Variants in CNTN6 observed in about 807,000 individuals in gnomAD.
CNTN6 encodes contactin-6.
A neutral mutation model predicts 122.8 loss-of-function variants in CNTN6; 137 were observed. The ratio of observed to expected loss-of-function variants is 1.12; its 90% CI spans 0.97 to 1.29. The LOEUF (loss-of-function observed/expected upper bound fraction) is 1.29. Ranked by LOEUF, CNTN6 falls within the 50% of genes most tolerant of loss-of-function variation. CNTN6 has a pLI of 0.00. For synonymous variants in CNTN6, 570 were observed against 426.0 expected (o/e 1.34, Z -4.16); for missense variants, 1,634 against 1,223.4 (o/e 1.34, Z -5.01).
At position 1,325,838 on chromosome 3, in the gene CNTN6, A is replaced by G; in HGVS notation, c.970A>G (p.Ile324Val). 2 of 1,610,820 alleles carry G rather than the reference A, an allele frequency of 1.2e-6. No homozygotes were observed. The highest frequency in any genetic ancestry group is 1.7e-6 in the Non-Finnish European group (2 of 1,178,402). ...FYAPPEWEQK[I>V]QNTHLSIYDN... Reference sequence around the variant, plus strand: ...AGCTCCTCCAGAATGGGAACAGAAAATCCAAAATACACACCTCTCTATCTA... The same window carrying G: ...AGCTCCTCCAGAATGGGAACAGAAAGTCCAAAATACACACCTCTCTATCTA... Residue 324 changes from isoleucine to valine, a missense_variant, in exon 9 of 23, where the codon ATC becomes GTC. Physicochemically the swap from Ile to Val is conservative, Grantham distance 29. Coordinates refer to ENST00000446702, the MANE Select transcript of CNTN6 (RefSeq NM_001289080.2).
intron 4 of CNTN6, among the ~76,000 whole-genome samples, chr3:1,276,012 A>G (rs1205646677): frequency 6.6e-6 from 1 of 152,190 alleles, no homozygotes; most frequent in Non-Finnish European, 1.5e-5. Flanking sequence ...ATTCCTCTAA[A>G]CAATACCAAT....
At chr3:1,126,870 A>T (rs1410464955) in intron 1 of CNTN6, among the ~76,000 whole-genome samples, 1 of 151,874 alleles carries the variant, frequency 6.6e-6, no homozygotes, top group Non-Finnish European at 1.5e-5. Context: ...AAAGAAAGTC[A>T]TCTGGAGAGT....
chr3:1,150,104 TG>T (rs1227178383), intron 2 of CNTN6, among the ~76,000 whole-genome samples: 2 of 152,136 alleles, frequency 1.3e-5, no homozygotes, highest in African/African-American at 4.8e-5. Context: ...AGCTAAACAT[TG>T]CTCCAGAGGT....
intron 11 of CNTN6, among the ~76,000 whole-genome samples, chr3:1,348,157 C>CAAAAAAAAAAAAAAAAAAAAAAAAAAAA (rs532282828): frequency 3.1e-5 from 2 of 64,288 alleles, no homozygotes; most frequent in Non-Finnish European, 5.6e-5. Context: ...ATGCTATAGA[C>CAAAAAAAAAAAAAAAAAAAAAAAAAAAA]AAAAAAAAAA....
At chr3:1,160,779 C>A (rs1282745422) in intron 2 of CNTN6, among the ~76,000 whole-genome samples, 1 of 151,610 alleles carries the variant, frequency 6.6e-6, no homozygotes, top group African/African-American at 2.4e-5. Flanking sequence ...TGAAAATTAC[C>A]GACATATTTA....
intron 12 of CNTN6, among the ~76,000 whole-genome samples, chr3:1,354,370 A>AC (rs924595461): frequency 8.6e-5 from 5 of 58,212 alleles, no homozygotes; most frequent in African/African-American, 2.0e-4. Context: ...TCAGTTAACA[A>AC]AAAAAAAAAA....
At chr3:1,389,883 A>G (rs1434167460) in intron 20 of CNTN6, among the ~76,000 whole-genome samples, 2 of 151,656 alleles carry the variant, frequency 1.3e-5, no homozygotes. Flanking sequence ...CTATGCACCC[A>G]ATACAGGAGC....
At chr3:1,265,874 T>G (rs2094918248) in intron 4 of CNTN6, among the ~76,000 whole-genome samples, 1 of 152,190 alleles carries the variant, frequency 6.6e-6, no homozygotes, top group Non-Finnish European at 1.5e-5. Flanking sequence ...CTATGTTTTA[T>G]TTTTCCCAAA....
chr3:1,380,646 A>C (rs1359099369), intron 17 of CNTN6, among the ~76,000 whole-genome samples: 1 of 152,210 alleles, frequency 6.6e-6, no homozygotes. Flanking sequence ...CTCGTGGGCC[A>C]CATGACCTCT....
intron 2 of CNTN6, among the ~76,000 whole-genome samples, chr3:1,219,282 G>C (rs2125514758): frequency 6.6e-6 from 1 of 152,294 alleles, no homozygotes; most frequent in East Asian, 1.9e-4. Flanking sequence ...ACAGATAGAA[G>C]TCTTAACCTT....
intron 2 of CNTN6, among the ~76,000 whole-genome samples, chr3:1,199,531 T>C (rs2093829804): frequency 6.6e-6 from 1 of 152,074 alleles, no homozygotes. Context: ...GCAGCAGCAC[T>C]AGGAAACTAA....
chr3:1,121,071 T>C (rs75260829), intron 1 of CNTN6, among the ~76,000 whole-genome samples: 4,635 of 107,414 alleles, frequency 0.043, no homozygotes, highest in South Asian at 0.059. Flanking sequence ...TGTTTAATAA[T>C]ATAGAAAGTA....
chr3:1,335,307 C>T (rs1702894972), intron 11 of CNTN6, among the ~76,000 whole-genome samples: 1 of 152,176 alleles, frequency 6.6e-6, no homozygotes, highest in Admixed American at 6.6e-5. Flanking sequence ...CCCAGTTGTG[C>T]ATGCTTTTAC....
intron 11 of CNTN6, among the ~76,000 whole-genome samples, chr3:1,351,304 T>C (rs1351910241): frequency 6.6e-6 from 1 of 151,992 alleles, no homozygotes; most frequent in Admixed American, 6.6e-5. Context: ...TTGTTATTGT[T>C]AATGGATATG....
chr3:1,376,864 A>C, intron 16 of CNTN6, 141 bp from the exon 17 acceptor site: 4 of 561,786 alleles, frequency 7.1e-6, no homozygotes, highest in Non-Finnish European at 1.3e-5. Context: ...TGTAAACATA[A>C]TTTACGTTCA....
chr3:1,161,669 G>A (rs879712666), intron 2 of CNTN6, among the ~76,000 whole-genome samples: 75 of 151,508 alleles, frequency 5.0e-4, no homozygotes, highest in Non-Finnish European at 9.4e-4. Flanking sequence ...ATTAGTGGAA[G>A]TATGCCATGT....
chr3:1,097,326 T>C (rs762229250), intron 1 of CNTN6, among the ~76,000 whole-genome samples: 5 of 152,182 alleles, frequency 3.3e-5, no homozygotes, highest in Non-Finnish European at 7.4e-5. Context: ...CAAATCCTTT[T>C]TGAAAGTATA....
At position 1,133,812 on chromosome 3, in the gene CNTN6, A is replaced by C. The variant is rs181880175; in HGVS notation, c.-82-14115A>C. 2.9e-3 allele frequency among the ~76,000 whole-genome samples: 443 copies of C among 152,274 alleles called. 1 individual carries two copies. The highest frequency in any genetic ancestry group is 3.9e-3 in the Non-Finnish European group (267 of 68,028). ...GGGAAAAAGGATTACTGTTAGGGAA[A>C]CATGTGTTCTCATATTCTTCTTTCC... On this transcript the variant is annotated intron_variant, in intron 1 of 22. Transcript: ENST00000446702.
intron 5 of CNTN6, among the ~76,000 whole-genome samples, chr3:1,282,752 C>T (rs555276968): frequency 1.3e-5 from 2 of 152,276 alleles, no homozygotes; most frequent in African/African-American, 2.4e-5. Flanking sequence ...GCTGTGACTT[C>T]CCACATCTTT....
Sources: allele counts gnomAD v4.1 joint callset (sites outside exome capture counted in the v4.1 genomes callset), GRCh38; gene constraint gnomAD v4.1.1; transcripts MANE v1.5; gene names NCBI Gene and HGNC (gene_info 2026-07-23, HGNC 2026-07-21).